CTIF: variants seen among roughly 807,000 people sequenced by gnomAD.
CTIF encodes the protein CBP80/20-dependent translation initiation factor.
A neutral mutation model predicts 66.0 loss-of-function variants in CTIF; 21 were observed. The ratio of observed to expected loss-of-function variants is 0.32; its 90% CI spans 0.23 to 0.46. The LOEUF (loss-of-function observed/expected upper bound fraction) is 0.46. Among genes scored for constraint, CTIF ranks in the 20% least tolerant of loss-of-function variants. CTIF has a pLI of 1.00. For synonymous variants in CTIF, 345 were observed against 326.4 expected, an observed-to-expected ratio of 1.06 and a Z score of -0.62; for missense variants, 739 against 812.7, an observed-to-expected ratio of 0.91 and a Z score of 1.10.
intron 10 of CTIF, among the ~76,000 whole-genome samples, chr18:48,855,033 G>C (rs150776960): frequency 1.3e-5 from 2 of 152,190 alleles, no homozygotes; most frequent in Non-Finnish European, 2.9e-5. Flanking sequence ...CATTTCCACC[G>C]CCCTGGAGCA....
Position 48,647,246 on chromosome 18 carries a change from G to T in CTIF, c.252+10561G>T, listed in dbSNP as rs573355363. On this transcript the variant is annotated intron_variant, in intron 3 of 11. Transcript: ENST00000256413. ...TCCATTTATATAACATTCTTGAGAG[G>T]GCAAAGTAATAGAAACGGGGAAGAG... Among the ~76,000 whole-genome samples the T allele has an allele frequency of 4.6e-5, 7 of 152,316 alleles. No individual in the cohort carries two copies. The East Asian group carries it at 1.3e-3, about 29-fold the overall frequency.
At chr18:48,687,036 C>G (rs1293543603) in intron 6 of CTIF, among the ~76,000 whole-genome samples, 5 of 152,050 alleles carry the variant, frequency 3.3e-5, no homozygotes, top group Admixed American at 1.3e-4. Flanking sequence ...AGTCAGAAGT[C>G]TAATTTGTTT....
At chr18:48,762,868 C>T (rs372821187) in intron 9 of CTIF, among the ~76,000 whole-genome samples, 7 of 152,330 alleles carry the variant, frequency 4.6e-5, no homozygotes, top group South Asian at 2.1e-4. Context: ...TACATGCAGC[C>T]GGCAGGGCTC....
chr18:48,809,496 A>G (rs1351479159), intron 9 of CTIF, among the ~76,000 whole-genome samples: 17 of 152,154 alleles, frequency 1.1e-4, no homozygotes, highest in Non-Finnish European at 2.4e-4. Flanking sequence ...TTTTATATCT[A>G]TTCACATTAG....
intron 1 of CTIF, among the ~76,000 whole-genome samples, chr18:48,557,783 A>ACAGCTGC (rs2089057242): frequency 6.6e-6 from 1 of 152,248 alleles, no homozygotes; most frequent in African/African-American, 2.4e-5. Context: ...TGCCTTGCAG[A>ACAGCTGC]CAGCTGCCCT....
At chr18:48,763,775 T>C (rs1909243167) in intron 9 of CTIF, among the ~76,000 whole-genome samples, 1 of 152,112 alleles carries the variant, frequency 6.6e-6, no homozygotes, top group African/African-American at 2.4e-5. Flanking sequence ...AGCCGGGGTC[T>C]CGGGCAGGGG....
At chr18:48,842,802 G>A (rs191482094) in intron 10 of CTIF, among the ~76,000 whole-genome samples, 7 of 152,364 alleles carry the variant, frequency 4.6e-5, no homozygotes, top group Admixed American at 4.6e-4. Flanking sequence ...AAATGCCTTT[G>A]CAGGCAGCTA....
At chr18:48,540,251 A>C (rs1201733430) in intron 1 of CTIF, 1 of 151,662 alleles carries the variant, frequency 6.6e-6, no homozygotes, top group African/African-American at 2.4e-5. Flanking sequence ...TTCACTTGAC[A>C]GGCTCTGAAA....
At chr18:48,559,981 A>G (rs553829621) in intron 1 of CTIF, among the ~76,000 whole-genome samples, 2 of 152,314 alleles carry the variant, frequency 1.3e-5, no homozygotes, top group South Asian at 4.1e-4. Context: ...ATTATATATT[A>G]TGACCAAGTG....
intron 9 of CTIF, among the ~76,000 whole-genome samples, chr18:48,815,422 G>C (rs2068342063): frequency 6.6e-6 from 1 of 152,236 alleles, no homozygotes; most frequent in South Asian, 2.1e-4. Flanking sequence ...GGACCATTGT[G>C]ATAACTATGT....
intron 7 of CTIF, among the ~76,000 whole-genome samples, chr18:48,721,532 G>T (rs917556703): frequency 1.3e-5 from 2 of 152,190 alleles, no homozygotes; most frequent in Non-Finnish European, 2.9e-5. Flanking sequence ...AGTGTGTCTG[G>T]TGGGCAGCCC....
At chr18:48,774,862 G>A (rs568069821) in intron 9 of CTIF, among the ~76,000 whole-genome samples, 4 of 152,276 alleles carry the variant, frequency 2.6e-5, no homozygotes, top group East Asian at 1.9e-4. Context: ...AGCTATAATC[G>A]GAATAAGTGC....
intron 7 of CTIF, among the ~76,000 whole-genome samples, chr18:48,725,893 A>G (rs1024270188): frequency 1.8e-4 from 28 of 152,142 alleles, no homozygotes; most frequent in African/African-American, 6.5e-4. Context: ...CCTGGAGGTC[A>G]TATCACAGGA....
intron 11 of CTIF, among the ~76,000 whole-genome samples, chr18:48,858,317 C>G (rs1168219442): frequency 6.6e-6 from 1 of 152,216 alleles, no homozygotes; most frequent in Non-Finnish European, 1.5e-5. Flanking sequence ...GCACTGGGAG[C>G]CAGATGGCAG....
chr18:48,686,693 G>A (rs762595124), intron 6 of CTIF, among the ~76,000 whole-genome samples: 3 of 152,130 alleles, frequency 2.0e-5, no homozygotes, highest in Non-Finnish European at 2.9e-5. Flanking sequence ...AGGGGACTTG[G>A]GGAGTCTCAT....
intron 6 of CTIF, among the ~76,000 whole-genome samples, chr18:48,682,006 G>C (rs987357615): frequency 6.6e-6 from 1 of 151,886 alleles, no homozygotes; most frequent in Non-Finnish European, 1.5e-5. Flanking sequence ...GGCTGGTCTT[G>C]AACTCCTGAG....
chr18:48,846,770 G>A (rs1195851002), intron 10 of CTIF, among the ~76,000 whole-genome samples: 1 of 150,598 alleles, frequency 6.6e-6, no homozygotes, highest in African/African-American at 2.5e-5. Context: ...TGGATGAAAG[G>A]ATGAATGGAT....
intron 7 of CTIF, among the ~76,000 whole-genome samples, chr18:48,736,174 G>A (rs890059425): frequency 8.5e-5 from 13 of 152,282 alleles, no homozygotes; most frequent in African/African-American, 1.7e-4. Flanking sequence ...TGCAGAAAGC[G>A]GGTTCCTCTC....
intron 9 of CTIF, among the ~76,000 whole-genome samples, chr18:48,801,972 A>G (rs1176405235): frequency 6.6e-6 from 1 of 152,234 alleles, no homozygotes; most frequent in Non-Finnish European, 1.5e-5. Context: ...TTTCTCACAT[A>G]GCAGAATATG....
Sources: allele counts gnomAD v4.1 joint callset (sites outside exome capture counted in the v4.1 genomes callset), GRCh38; gene constraint gnomAD v4.1.1; transcripts MANE v1.5; gene names NCBI Gene and HGNC (gene_info 2026-07-23, HGNC 2026-07-21).